CACNG2: variants seen among roughly 807,000 people sequenced by gnomAD.
CACNG2 encodes the protein voltage-dependent calcium channel gamma-2 subunit.
Under a neutral mutation model 25.9 loss-of-function variants are expected in CACNG2, and 3 were observed. The observed-to-expected ratio is 0.12, with a 90% CI of 0.05 to 0.30. CACNG2 has a LOEUF of 0.30. Among genes scored for constraint, CACNG2 ranks in the 10% least tolerant of loss-of-function variants. The pLI, the probability that CACNG2 is intolerant of heterozygous loss-of-function variation, is 1.00. For synonymous variants in CACNG2, 167 were observed against 173.3 expected, an observed-to-expected ratio of 0.96 and a Z score of 0.29; for missense variants, 341 against 432.5, an observed-to-expected ratio of 0.79 and a Z score of 1.88.
At chr22:36,641,258 C>A (rs377634903) in intron 1 of CACNG2, among the ~76,000 whole-genome samples, 1 of 152,150 alleles carries the variant, frequency 6.6e-6, no homozygotes, top group Non-Finnish European at 1.5e-5. Flanking sequence ...GCAGAGCCCA[C>A]GAGGGGAAGG....
intron 1 of CACNG2, among the ~76,000 whole-genome samples, chr22:36,651,848 T>C (rs1936621108): frequency 6.6e-6 from 1 of 152,078 alleles, no homozygotes; most frequent in Non-Finnish European, 1.5e-5. Context: ...GACCTCTGCA[T>C]TCAAGTTTCA....
At chr22:36,580,468 G>C (rs927664753) in intron 2 of CACNG2, among the ~76,000 whole-genome samples, 1 of 152,036 alleles carries the variant, frequency 6.6e-6, no homozygotes, top group Non-Finnish European at 1.5e-5. Context: ...CATCTGCTTT[G>C]ATGAGGGCCT....
chr22:36,680,218 A>G (rs1937085062), intron 1 of CACNG2, among the ~76,000 whole-genome samples: 1 of 151,618 alleles, frequency 6.6e-6, no homozygotes, highest in East Asian at 1.9e-4. Context: ...TGTCACCACC[A>G]CTACCACCAC....
intron 1 of CACNG2, among the ~76,000 whole-genome samples, chr22:36,674,867 TC>T (rs1317528334): frequency 6.6e-6 from 1 of 152,172 alleles, no homozygotes; most frequent in Non-Finnish European, 1.5e-5. Context: ...TTACTGAATC[TC>T]CCTGGGCCTC....
intron 1 of CACNG2, among the ~76,000 whole-genome samples, chr22:36,607,306 G>A (rs1238308881): frequency 6.6e-6 from 1 of 152,132 alleles, no homozygotes; most frequent in Non-Finnish European, 1.5e-5. Context: ...AGAGTACAGT[G>A]GCACAATCAC....
chr22:36,576,345 G>A (rs1477796558), intron 2 of CACNG2, among the ~76,000 whole-genome samples: 1 of 152,146 alleles, frequency 6.6e-6, no homozygotes, highest in Non-Finnish European at 1.5e-5. Flanking sequence ...AAAGGCATAA[G>A]AATGATAGAA....
intron 2 of CACNG2, among the ~76,000 whole-genome samples, chr22:36,582,065 C>T (rs1935426783): frequency 6.6e-6 from 1 of 152,216 alleles, no homozygotes; most frequent in Non-Finnish European, 1.5e-5. Context: ...TATTTCACCC[C>T]CTTCACTGCT....
intron 2 of CACNG2, among the ~76,000 whole-genome samples, chr22:36,580,429 T>A (rs1175053969): frequency 6.6e-6 from 1 of 152,098 alleles, no homozygotes; most frequent in East Asian, 1.9e-4. Flanking sequence ...GTACCTCTCT[T>A]GTGTGTGTTG....
chr22:36,701,125 C>G (rs1937406275), intron 1 of CACNG2, among the ~76,000 whole-genome samples: 2 of 152,152 alleles, frequency 1.3e-5, no homozygotes, highest in South Asian at 2.1e-4. Context: ...AACAAACAAT[C>G]CTGCAGTCCT....
chr22:36,698,710 T>C (rs1937372695), intron 1 of CACNG2, among the ~76,000 whole-genome samples: 1 of 152,138 alleles, frequency 6.6e-6, no homozygotes. Flanking sequence ...CAGAGGGAAT[T>C]TGACAGCCTG....
At chr22:36,646,328 G>GT (rs1936524051) in intron 1 of CACNG2, among the ~76,000 whole-genome samples, 1 of 152,048 alleles carries the variant, frequency 6.6e-6, no homozygotes, top group African/African-American at 2.4e-5. Flanking sequence ...TAAAAAAAAA[G>GT]TTCACTGGAA....
intron 3 of CACNG2, among the ~76,000 whole-genome samples, chr22:36,565,317 C>A (rs1359532594): frequency 6.6e-6 from 1 of 152,196 alleles, no homozygotes; most frequent in Non-Finnish European, 1.5e-5. Context: ...CGGGTGAAGG[C>A]GGGCTGATGG....
chr22:36,564,540 G>A lies in CACNG2; in HGVS notation c.783C>T (p.Asn261=). Residue 261 remains asparagine (N), a synonymous_variant, in exon 4 of 4, where the codon AAC becomes AAT. Transcript: ENST00000300105. This position sits in a 1 kb window ranked among gnomAD's most constrained non-coding sequence, Gnocchi z 6.7. The part of the protein sequence containing the change: ...DASPVGIKGF[N]TLPSTEISMY... ...TGGAGATCTCCGTGGACGGCAGGGT[G>A]TTGAAGCCCTTGATGCCCACGGGGG... 2 of 1,614,118 alleles carry A rather than the reference G, an allele frequency of 1.2e-6. No homozygotes were observed. Among genetic ancestry groups the A allele is most frequent in the African/African-American group, 1.3e-5 (1 of 75,052 alleles).
At chr22:36,582,287 C>G (rs546809340) in intron 2 of CACNG2, among the ~76,000 whole-genome samples, 1 of 152,320 alleles carries the variant, frequency 6.6e-6, no homozygotes, top group East Asian at 1.9e-4. Flanking sequence ...CACACTTGCT[C>G]TTCCTTTGCT....
chr22:36,595,759 G>A (rs773877105), intron 1 of CACNG2, among the ~76,000 whole-genome samples: 1 of 152,150 alleles, frequency 6.6e-6, no homozygotes, highest in African/African-American at 2.4e-5. Flanking sequence ...CAGCTAAGGG[G>A]CTCAACAACC....
chr22:36,682,935 T>C (rs193265476), intron 1 of CACNG2, among the ~76,000 whole-genome samples: 2 of 152,324 alleles, frequency 1.3e-5, no homozygotes, highest in East Asian at 3.9e-4. Context: ...CCTTTTTTTT[T>C]CTCTCAGGCC....
At chr22:36,590,765 A>G (rs1603501024) in intron 1 of CACNG2, among the ~76,000 whole-genome samples, 1 of 152,034 alleles carries the variant, frequency 6.6e-6, no homozygotes, top group East Asian at 1.9e-4. Context: ...TGTCGGGGAA[A>G]AGCTCAACAT....
chr22:36,621,640 C>T (rs1936107644), intron 1 of CACNG2, among the ~76,000 whole-genome samples: 2 of 151,884 alleles, frequency 1.3e-5, no homozygotes, highest in South Asian at 4.1e-4. Flanking sequence ...TACACAGGCA[C>T]ACACACAAAC....
intron 1 of CACNG2, among the ~76,000 whole-genome samples, chr22:36,595,329 C>T (rs1401095959): frequency 6.6e-6 from 1 of 152,158 alleles, no homozygotes; most frequent in African/African-American, 2.4e-5. Context: ...GGCCGGCTCG[C>T]CCCTGCTCAA....
Sources: gnomAD v4.1 joint callset for allele counts (sites outside exome capture counted in the v4.1 genomes callset) on GRCh38, gnomAD v4.1.1 for gene constraint, Gnocchi (gnomAD v3.1) non-coding constraint, MANE v1.5 for transcripts, NCBI Gene and HGNC (gene_info 2026-07-23, HGNC 2026-07-21) for gene names.